CDC16: variants seen among roughly 807,000 people sequenced by gnomAD.
CDC16 encodes cell division cycle 16.
A neutral mutation model predicts 87.0 loss-of-function variants in CDC16; 34 were observed. That is an observed-to-expected ratio of 0.39 (90% CI 0.30 to 0.52). The LOEUF (loss-of-function observed/expected upper bound fraction) is 0.52. Among genes scored for constraint, CDC16 ranks in the 20% least tolerant of loss-of-function variants. The pLI, the probability that CDC16 is intolerant of heterozygous loss-of-function variation, is 0.74. For missense variants in CDC16, 653 were observed against 751.9 expected (o/e 0.87, Z 1.54); for synonymous variants, 263 against 260.6 (o/e 1.01, Z -0.09).
chr13:114,238,568 G>GTGAT (rs2081377456), intron 3 of CDC16, among the ~76,000 whole-genome samples: 1 of 152,230 alleles, frequency 6.6e-6, no homozygotes, highest in African/African-American at 2.4e-5. Context: ...TGGAGCTGCT[G>GTGAT]CGATCTCCTT....
At chr13:114,253,449 G>A (rs182327265) in intron 12 of CDC16, among the ~76,000 whole-genome samples, 5 of 152,248 alleles carry the variant, frequency 3.3e-5, no homozygotes, top group Admixed American at 3.3e-4. Context: ...AGCACTTTGG[G>A]AGGCCAGAGG....
chr13:114,245,780 G>A lies in CDC16; in HGVS notation c.848-220G>A, dbSNP rs563385511. The A allele has an allele frequency of 7.6e-4, 361 of 475,226 alleles. 7 individuals are homozygous for A. The South Asian group carries it at 9.4e-3, about 12-fold the overall frequency. The allele number at this position is 475,226 out of a possible 1,614,324, so 29.4% of individuals were successfully genotyped here. On this transcript the variant is annotated intron_variant, in intron 9 of 17. Coordinates refer to ENST00000356221, the MANE Select transcript of CDC16 (RefSeq NM_001078645.3). Reference sequence around the variant, plus strand: ...TTGCTGTATCCTCTGCAGTATTCGGGAAGTGCTGTCTTAGGGGGTGTCTGT... The same window carrying A: ...TTGCTGTATCCTCTGCAGTATTCGGAAAGTGCTGTCTTAGGGGGTGTCTGT...
At position 114,257,192 on chromosome 13, in the gene CDC16, T is replaced by C; in HGVS notation, c.1212T>C (p.Val404=). 1 of 1,613,266 alleles carries C rather than the reference T, an allele frequency of 6.2e-7. No individual in the cohort carries two copies. The highest frequency in any genetic ancestry group is 1.1e-5 in the South Asian group (1 of 90,962). ...GCATTGCACCGGAAGACCCTTTTGT[T>C]ATGCATGAGGTCGGCGTGGTTGCAT... The part of the protein sequence containing the change: ...ALSIAPEDPF[V]MHEVGVVAFQ... The change falls in exon 13 of 18, where the codon GTT becomes GTC. Residue 404 remains valine, a synonymous_variant. Coordinates refer to ENST00000356221, the MANE Select transcript of CDC16 (RefSeq NM_001078645.3).
At chr13:114,238,769 G>A (rs921251642) in intron 3 of CDC16, among the ~76,000 whole-genome samples, 1 of 152,176 alleles carries the variant, frequency 6.6e-6, no homozygotes, top group Non-Finnish European at 1.5e-5. Context: ...CTCCCCTACT[G>A]TAACCTCCTG....
rs1414216942 is a variant in CDC16, at chr13:114,234,966, G to A, written c.-119G>A. 4 of 706,354 alleles carry A rather than the reference G, an allele frequency of 5.7e-6. No homozygotes were observed. The highest frequency in any genetic ancestry group is 3.5e-5 in the East Asian group (1 of 28,964). The allele number at this position is 706,354 out of a possible 1,614,324, so 43.8% of individuals were successfully genotyped here. A position where few individuals can be genotyped will look rare whatever the true frequency, so the allele number is the denominator to read the frequency against. On this transcript the variant is annotated 5_prime_UTR_variant, in exon 1 of 18. Coordinates refer to ENST00000356221, the MANE Select transcript of CDC16 (RefSeq NM_001078645.3). Reference sequence around the variant, plus strand: ...TGCGGCCTTCGAGTCCGCGGCCTTCGAGTCCTGGGGCGGCGGCGGCGGCTG... The same window carrying A: ...TGCGGCCTTCGAGTCCGCGGCCTTCAAGTCCTGGGGCGGCGGCGGCGGCTG...
intron 12 of CDC16, among the ~76,000 whole-genome samples, chr13:114,254,399 G>T: frequency 6.6e-6 from 1 of 151,610 alleles, no homozygotes; most frequent in East Asian, 1.9e-4. Flanking sequence ...TATTTTCTTA[G>T]GTTGGTTATC....
chr13:114,247,459 T>C (rs1336685416), intron 11 of CDC16, among the ~76,000 whole-genome samples: 1 of 151,100 alleles, frequency 6.6e-6, no homozygotes, highest in African/African-American at 2.4e-5. Context: ...TGAGCCACCA[T>C]GCCTGGCTGA....
At chr13:114,268,411 T>C (rs74116858) in intron 17 of CDC16, among the ~76,000 whole-genome samples, 3,710 of 152,248 alleles carry the variant, frequency 0.024, 156 homozygotes, top group African/African-American at 0.085. Flanking sequence ...AGTGAAAGTA[T>C]ACTCCACAGA....
intron 9 of CDC16, among the ~76,000 whole-genome samples, 155 bp downstream of exon 9, chr13:114,245,124 T>C (rs557259267): frequency 7.9e-5 from 12 of 152,314 alleles, no homozygotes; most frequent in African/African-American, 2.9e-4. Context: ...AGGAAATGTT[T>C]AGGAAAGTAG....
intron 10 of CDC16, among the ~76,000 whole-genome samples, chr13:114,246,715 G>GCCTTGTCTTGTGTAGACGTCT (rs2081892874): frequency 6.6e-6 from 1 of 152,150 alleles, no homozygotes; most frequent in South Asian, 2.1e-4. Flanking sequence ...CTCCTCAGGG[G>GCCTTGTCTTGTGTAGACGTCT]CCTTGTCTTG....
intron 10 of CDC16, among the ~76,000 whole-genome samples, chr13:114,246,459 T>G (rs1260265470): frequency 6.6e-6 from 1 of 152,106 alleles, no homozygotes; most frequent in African/African-American, 2.4e-5. Context: ...CTGTCATGGA[T>G]CGGAATGGAG....
At chr13:114,238,635 C>T (rs1755556577) in intron 3 of CDC16, among the ~76,000 whole-genome samples, 1 of 152,250 alleles carries the variant, frequency 6.6e-6, no homozygotes, top group Admixed American at 6.5e-5. Context: ...TGCTCCACTC[C>T]TCTGCCTGAC....
In CDC16 at chr13:114,243,958, G is replaced by T; in HGVS notation, c.736G>T (p.Asp246Tyr). 1 of 1,608,652 alleles carries T rather than the reference G, an allele frequency of 6.2e-7. No individual in the cohort carries two copies. The highest frequency in any genetic ancestry group is 8.5e-7 in the Non-Finnish European group (1 of 1,175,502). ...AGCTGAGAGACATTATTATAACTGT[G>T]ATTTTAAAATGTGCTACAAGCTTAC... Reference protein sequence around the residue: ...SLAERHYYNCDFKMCYKLTSV... With the variant: ...SLAERHYYNCYFKMCYKLTSV... The change falls in exon 8 of 18, where the codon GAT (aspartate) becomes TAT (tyrosine). Residue 246 changes from aspartate (D) to tyrosine (Y), a missense_variant. Coordinates refer to ENST00000356221, the MANE Select transcript of CDC16 (RefSeq NM_001078645.3).
intron 11 of CDC16, 72 bp from the exon 12 acceptor site, chr13:114,250,477 G>A (rs886423254): frequency 1.4e-6 from 2 of 1,435,196 alleles, no homozygotes; most frequent in African/African-American, 1.5e-5. Flanking sequence ...GAGCGACAAA[G>A]TGAGACTTTG....
intron 14 of CDC16, 27 bp downstream of exon 14, chr13:114,259,425 ACACATATACAC>A: frequency 7.9e-7 from 1 of 1,270,294 alleles, no homozygotes; most frequent in Non-Finnish European, 1.1e-6. Flanking sequence ...CTGTAAATAT[ACACATATACAC>A]CCCTGAGTGT....
intron 14 of CDC16, 78 bp from the exon 15 acceptor site, chr13:114,261,809 G>T: frequency 2.0e-6 from 2 of 986,604 alleles, no homozygotes; most frequent in Non-Finnish European, 3.1e-6. Flanking sequence ...CTTGCAAGGC[G>T]TGAAATAATT....
chr13:114,247,524 G>GA lies in CDC16; in HGVS notation c.971+530dup, dbSNP rs546374477. Among the ~76,000 whole-genome samples, 44 of 147,674 alleles carry GA rather than the reference G, an allele frequency of 3.0e-4. No homozygotes were observed. The South Asian group carries it at 3.2e-3, about 11-fold the overall frequency. ...TTATAAGATGCCATGGGGAGAGAGA[G>GA]AAAAAAAAAATCAGTGATGTAGACC... On this transcript the variant is annotated intron_variant, in intron 11 of 17. Coordinates refer to ENST00000356221, the MANE Select transcript of CDC16 (RefSeq NM_001078645.3).
chr13:114,256,446 T>C (rs2082502816), intron 12 of CDC16, among the ~76,000 whole-genome samples: 1 of 152,222 alleles, frequency 6.6e-6, no homozygotes, highest in South Asian at 2.1e-4. Context: ...GAGATCATCA[T>C]CAAGGAAAGA....
chr13:114,245,734 T>C, intron 9 of CDC16: 1 of 350,666 alleles, frequency 2.9e-6, no homozygotes, highest in Non-Finnish European at 5.1e-6. Context: ...AGGCATGAGC[T>C]TCTAAGAGAG....
Sources: allele counts gnomAD v4.1 joint callset (sites outside exome capture counted in the v4.1 genomes callset), GRCh38; gene constraint gnomAD v4.1.1; transcripts MANE v1.5; gene names NCBI Gene and HGNC (gene_info 2026-07-23, HGNC 2026-07-21).